TMEM87A: variants seen among roughly 807,000 people sequenced by gnomAD.
TMEM87A encodes transmembrane protein 87A.
TMEM87A carries 50 observed loss-of-function variants against 90.0 expected under a neutral mutation model. The ratio of observed to expected loss-of-function variants is 0.56; its 90% confidence interval spans 0.44 to 0.70. The LOEUF (loss-of-function observed/expected upper bound fraction) is 0.70. Among genes scored for constraint, TMEM87A ranks in the 30% least tolerant of loss-of-function variants. The pLI, the probability that TMEM87A is intolerant of heterozygous loss-of-function variation, is 0.00. For synonymous variants in TMEM87A, 226 were observed against 226.7 expected (o/e 1.00, Z 0.03); for missense variants, 577 against 660.5 (o/e 0.87, Z 1.39).
chr15:42,212,218 CATTTA>C (rs773147424), intron 19 of TMEM87A, among the ~76,000 whole-genome samples: 12 of 152,130 alleles, frequency 7.9e-5, no homozygotes, highest in African/African-American at 1.2e-4. Flanking sequence ...AATAAAATTA[CATTTA>C]ATTTAATATA....
intron 1 of TMEM87A, 149 bp downstream of exon 1, chr15:42,273,106 G>A: frequency 1.1e-6 from 1 of 951,494 alleles, no homozygotes; most frequent in East Asian, 2.6e-5. Flanking sequence ...CTCCAGGGAG[G>A]TGGGTCCCAG....
chr15:42,213,027 T>A (rs530944152), intron 19 of TMEM87A, among the ~76,000 whole-genome samples: 2 of 152,310 alleles, frequency 1.3e-5, no homozygotes, highest in South Asian at 4.1e-4. Context: ...GTTGAGGGTC[T>A]TCTGCACTAT....
At chr15:42,239,643 G>A in intron 8 of TMEM87A, 27 bp downstream of exon 8, 2 of 1,589,304 alleles carry the variant, frequency 1.3e-6, no homozygotes, top group Non-Finnish European at 1.7e-6. Context: ...ATCCAATACT[G>A]AGGTTAAATA....
chr15:42,219,770 A>C, intron 16 of TMEM87A, 128 bp from the exon 17 acceptor site: 1 of 693,772 alleles, frequency 1.4e-6, no homozygotes, highest in Non-Finnish European at 2.3e-6. Context: ...GTTTTATTTT[A>C]AGCTTCCTAA....
At chr15:42,243,984 T>C in intron 7 of TMEM87A, 66 bp downstream of exon 7, 1 of 930,404 alleles carries the variant, frequency 1.1e-6, no homozygotes, top group Non-Finnish European at 1.6e-6. Flanking sequence ...TAAAAAAGCA[T>C]ATGTAAAGTA....
At position 42,222,561 on chromosome 15, in the gene TMEM87A, AT is replaced by A. The variant is rs764911920; in HGVS notation, c.1404-2427del. Among the ~76,000 whole-genome samples, 398 of 142,630 alleles carry A rather than the reference AT, an allele frequency of 2.8e-3. 1 individual carries two copies. Among genetic ancestry groups the A allele is most frequent in the African/African-American group, 4.6e-3 (182 of 39,298 alleles). The allele number at this position is 142,630 out of a possible 152,430, so 93.6% of individuals were successfully genotyped here. Reference sequence around the variant, plus strand: ...TTGGTGGATGAACATCTTGATTGTGATTTTTTTTTTTTTTGAGACAGAGTTT... The same window carrying A: ...TTGGTGGATGAACATCTTGATTGTGATTTTTTTTTTTTTGAGACAGAGTTT... On this transcript the variant is annotated intron_variant, in intron 15 of 19. Transcript: ENST00000389834.
chr15:42,260,379 G>T (rs144818508), intron 6 of TMEM87A, among the ~76,000 whole-genome samples: 1 of 152,084 alleles, frequency 6.6e-6, no homozygotes, highest in Non-Finnish European at 1.5e-5. Flanking sequence ...CTCAAAAAAC[G>T]AAACAAAACA....
At chr15:42,227,352 T>C (rs1354509687) in intron 14 of TMEM87A, among the ~76,000 whole-genome samples, 1 of 152,226 alleles carries the variant, frequency 6.6e-6, no homozygotes, top group Non-Finnish European at 1.5e-5. Flanking sequence ...ATCTTAAGGA[T>C]GTGGCTTCTA....
chr15:42,270,797 CT>C (rs1460543420), intron 2 of TMEM87A, among the ~76,000 whole-genome samples: 5 of 152,288 alleles, frequency 3.3e-5, no homozygotes, highest in Middle Eastern at 3.4e-3. Flanking sequence ...ATATAAGTCA[CT>C]GGTCAGGAGA....
At chr15:42,272,888 C>T (rs1197003147) in intron 1 of TMEM87A, 2 of 473,768 alleles carry the variant, frequency 4.2e-6, no homozygotes, top group Non-Finnish European at 8.3e-6. Flanking sequence ...CTCCTATTTA[C>T]ATATCTTTCT....
chr15:42,250,835 T>C (rs918605831), intron 6 of TMEM87A, among the ~76,000 whole-genome samples: 1 of 152,234 alleles, frequency 6.6e-6, no homozygotes, highest in African/African-American at 2.4e-5. Flanking sequence ...AAGAGTGTTG[T>C]CCAGCTTGGT....
In TMEM87A at chr15:42,272,138, G is replaced by A. The variant is rs749666603; in HGVS notation, c.145-15C>T. The A allele has an allele frequency of 1.3e-6, 2 of 1,592,844 alleles. No individual in the cohort carries two copies. Among genetic ancestry groups the A allele is most frequent in the Non-Finnish European group, 1.7e-6 (2 of 1,166,822 alleles). On this transcript the variant is annotated splice_polypyrimidine_tract_variant and intron_variant, in intron 1 of 19. Coordinates refer to ENST00000389834, the MANE Select transcript of TMEM87A (RefSeq NM_015497.5). ...TAATTTTTCCCCTGCAAACATAAAG[G>A]AAAGATAATTAGCCTCAGATGGCTT...
chr15:42,257,310 T>TA lies in TMEM87A; in HGVS notation c.504+3647dup, dbSNP rs199512288. Among the ~76,000 whole-genome samples the TA allele has an allele frequency of 9.0e-3, 1,357 of 150,626 alleles. 19 individuals are homozygous for TA. The highest frequency in any genetic ancestry group is 0.031 in the African/African-American group (1,254 of 40,996). ...ATCCCTCTATTGGTTCCTTGATTATTAAAAAAAAAGCCCACTACCTCCTCT... is the reference window on the plus strand; with the variant it reads ...ATCCCTCTATTGGTTCCTTGATTATTAAAAAAAAAAGCCCACTACCTCCTCT... On this transcript the variant is annotated intron_variant, in intron 6 of 19. Coordinates refer to ENST00000389834, the MANE Select transcript of TMEM87A (RefSeq NM_015497.5).
At chr15:42,272,856 AAAAG>A (rs369757149) in intron 1 of TMEM87A, 11 of 442,860 alleles carry the variant, frequency 2.5e-5, no homozygotes, top group Middle Eastern at 3.3e-4. Context: ...CAGAGGAAGA[AAAAG>A]AAAGAAAGAA....
chr15:42,225,649 A>G (rs1222319682), intron 15 of TMEM87A, among the ~76,000 whole-genome samples: 2 of 152,124 alleles, frequency 1.3e-5, no homozygotes, highest in African/African-American at 4.8e-5. Flanking sequence ...CTTGTGCCTC[A>G]GCCTCCCGAG....
At chr15:42,218,443 T>C (rs2050417951) in intron 17 of TMEM87A, 65 bp from the exon 18 acceptor site, 2 of 1,505,380 alleles carry the variant, frequency 1.3e-6, no homozygotes, top group African/African-American at 2.7e-5. Context: ...AGTAAGGACA[T>C]GAAGGTCTTA....
In TMEM87A at chr15:42,273,112, C is replaced by T. The variant is rs972672987; in HGVS notation, c.144+143G>A. The T allele has an allele frequency of 9.8e-5, 101 of 1,032,074 alleles. 1 individual carries two copies. The highest frequency in any genetic ancestry group is 2.8e-4 in the Middle Eastern group (1 of 3,634). The allele number at this position is 1,032,074 out of a possible 1,614,324, so 63.9% of individuals were successfully genotyped here. The stretch of plus-strand genomic sequence containing the variant: ...GGCTTTCCACTCCAGGGAGGTGGGT[C>T]CCAGTTGGCTAGCCACACAGACCAT... On this transcript the variant is annotated intron_variant, in intron 1 of 19. Coordinates refer to ENST00000389834, the MANE Select transcript of TMEM87A (RefSeq NM_015497.5).
At chr15:42,221,327 CAG>C (rs1471266988) in intron 15 of TMEM87A, among the ~76,000 whole-genome samples, 2 of 149,652 alleles carry the variant, frequency 1.3e-5, no homozygotes, top group Non-Finnish European at 3.0e-5. Context: ...GAGAGAGAGA[CAG>C]AGGAAAAGGC....
chr15:42,228,578 T>C lies in TMEM87A; in HGVS notation c.1240+134A>G, dbSNP rs543392651. The stretch of plus-strand genomic sequence containing the variant: ...TAAAAACCACAGATCCTTCTGAGAA[T>C]TTGACAAGAGCTAAGAACCCTTTTC... On this transcript the variant is annotated intron_variant, in intron 13 of 19. Coordinates refer to ENST00000389834, the MANE Select transcript of TMEM87A (RefSeq NM_015497.5). 9 of 679,440 alleles carry C rather than the reference T, an allele frequency of 1.3e-5. No homozygotes were observed. The African/African-American group carries it at 1.7e-4, about 13-fold the overall frequency. The allele number at this position is 679,440 out of a possible 1,614,324, so 42.1% of individuals were successfully genotyped here.
Sources: allele counts gnomAD v4.1 joint callset (sites outside exome capture counted in the v4.1 genomes callset), GRCh38; gene constraint gnomAD v4.1.1; transcripts MANE v1.5; gene names NCBI Gene and HGNC (gene_info 2026-07-23, HGNC 2026-07-21).